MDGA1: variants seen among roughly 807,000 people sequenced by gnomAD.
MDGA1 encodes the protein MAM domain containing glycosylphosphatidylinositol anchor 1.
In MDGA1, 54 loss-of-function variants were observed where a neutral mutation model predicts 101.5. The ratio of observed to expected loss-of-function variants is 0.53; its 90% CI spans 0.43 to 0.67. MDGA1 has a LOEUF of 0.67. Among genes scored for constraint, MDGA1 ranks in the 30% least tolerant of loss-of-function variants. The pLI is 0.00. For missense variants in MDGA1, 1,083 were observed against 1,323.8 expected, an observed-to-expected ratio of 0.82 and a Z score of 2.82; for synonymous variants, 533 against 558.3, an observed-to-expected ratio of 0.95 and a Z score of 0.64.
rs151068061 is a variant in MDGA1, at chr6:37,656,620, G to A, written c.383-724C>T. The stretch of plus-strand genomic sequence containing the variant: ...GCTCCTGGGCTCAAGCAATCCTCCC[G>A]CCTCAGCCTCCTGAAATGCTGGGAT... On this transcript the variant is annotated intron_variant, in intron 3 of 16. Coordinates refer to ENST00000434837, the MANE Select transcript of MDGA1 (RefSeq NM_153487.4). Among the ~76,000 whole-genome samples, 750 of 152,066 alleles carry A rather than the reference G, an allele frequency of 4.9e-3. 18 individuals carry two copies. The East Asian group carries it at 0.057, about 12-fold the overall frequency.
chr6:37,695,202 C>T (rs1358273360), intron 1 of MDGA1, among the ~76,000 whole-genome samples: 1 of 152,102 alleles, frequency 6.6e-6, no homozygotes, highest in South Asian at 2.1e-4. Context: ...TCCCCAGCCC[C>T]GGGGCTGTGG....
chr6:37,660,033 TC>T (rs1561850428), intron 2 of MDGA1, among the ~76,000 whole-genome samples: 57 of 68,576 alleles, frequency 8.3e-4, no homozygotes, highest in Non-Finnish European at 1.7e-3. Flanking sequence ...TCTTTATCTC[TC>T]TCTTTTTTTT....
In MDGA1 at chr6:37,661,801, C is replaced by T. The variant is rs560399752; in HGVS notation, c.207+2166G>A. On this transcript the variant is annotated intron_variant, in intron 2 of 16. Coordinates refer to ENST00000434837, the MANE Select transcript of MDGA1 (RefSeq NM_153487.4). ...AGGGGAGCCATTGAACATCTCTGAG[C>T]AGGGGAGTGATATGATGTAGCACAA... 3.9e-5 allele frequency among the ~76,000 whole-genome samples: 6 copies of T among 152,118 alleles called. No individual in the cohort carries two copies. The South Asian group carries it at 1.2e-3, about 32-fold the overall frequency.
chr6:37,658,001 A>G (rs13212859), intron 3 of MDGA1, among the ~76,000 whole-genome samples: 90,391 of 152,134 alleles, frequency 0.59, 28,224 homozygotes, highest in East Asian at 0.85. Context: ...AGGAGTGTAA[A>G]TCAACCCATC....
chr6:37,647,404 C>A, intron 9 of MDGA1, 80 bp from the exon 10 acceptor site: 7 of 847,528 alleles, frequency 8.3e-6, no homozygotes, highest in South Asian at 1.9e-5. Flanking sequence ...GAAAGGGAAA[C>A]AAGAGGATGA....
intron 9 of MDGA1, among the ~76,000 whole-genome samples, chr6:37,647,564 T>C (rs1581850980): frequency 6.9e-6 from 1 of 144,360 alleles, no homozygotes; most frequent in Non-Finnish European, 1.5e-5. Flanking sequence ...TTCCAAGAGG[T>C]GATATTGGTG....
intron 14 of MDGA1, among the ~76,000 whole-genome samples, chr6:37,642,740 C>A (rs867643483): frequency 2.0e-5 from 3 of 152,224 alleles, no homozygotes; most frequent in Non-Finnish European, 2.9e-5. Context: ...CCAGTCTCAG[C>A]CCCTGTCCTT....
At chr6:37,643,438 A>C in intron 14 of MDGA1, 1 of 179,106 alleles carries the variant, frequency 5.6e-6, no homozygotes, top group East Asian at 1.7e-4. Flanking sequence ...ACACCCAGCT[A>C]ATTTTGTATT....
chr6:37,696,901 T>G lies in MDGA1; in HGVS notation c.-90A>C, dbSNP rs868341527. 9.9e-7 allele frequency: 1 copy of G among 1,012,256 alleles called. No individual in the cohort carries two copies. The highest frequency in any genetic ancestry group is 1.5e-6 in the Non-Finnish European group (1 of 659,642). 62.7% of individuals were successfully genotyped at this position (1,012,256 alleles called of 1,614,324 possible). On this transcript the variant is annotated 5_prime_UTR_variant, in exon 1 of 17. Coordinates refer to ENST00000434837, the MANE Select transcript of MDGA1 (RefSeq NM_153487.4). The surrounding 1 kb of genome is among the most constrained non-coding windows in gnomAD (Gnocchi z 5.6). The stretch of plus-strand genomic sequence containing the variant: ...GCCGGGGCCCCGCGACGCCCCTATG[T>G]CCCCCCCTTTCCCTGAGAGGTGAGA...
rs1264408913 is a variant in MDGA1, at chr6:37,630,929, G to C, written c.*6439C>G. 12 of 152,204 alleles carry C rather than the reference G, an allele frequency of 7.9e-5. No individual in the cohort carries two copies. The highest frequency in any genetic ancestry group is 7.8e-4 in the Admixed American group (12 of 15,292). 9.4% of individuals were successfully genotyped at this position (152,204 alleles called of 1,614,324 possible). A position where few individuals can be genotyped will look rare whatever the true frequency, so the allele number is the denominator to read the frequency against. ...TAGGTGGCAGTTCAGGGCTTCCAGAGAGAACGTTCCAAGAGGCCTGAGCTG... is the reference window on the plus strand; with the variant it reads ...TAGGTGGCAGTTCAGGGCTTCCAGACAGAACGTTCCAAGAGGCCTGAGCTG... On this transcript the variant is annotated 3_prime_UTR_variant, in exon 17 of 17. Transcript: ENST00000434837.
intron 1 of MDGA1, among the ~76,000 whole-genome samples, chr6:37,674,667 C>T (rs926359211): frequency 3.3e-5 from 5 of 152,274 alleles, no homozygotes; most frequent in African/African-American, 1.2e-4. Context: ...TCTGGACAGG[C>T]CACCAGGAAA....
In MDGA1 at chr6:37,696,668, G is replaced by A; in HGVS notation, c.67+77C>T. On this transcript the variant is annotated intron_variant, in intron 1 of 16. Coordinates refer to ENST00000434837, the MANE Select transcript of MDGA1 (RefSeq NM_153487.4). This position sits in a 1 kb window ranked among gnomAD's most constrained non-coding sequence, Gnocchi z 5.6. ...CGAGTCGAGGTCTCCACCAAACCCC[G>A]GCAGCGCGCACTTTGCGCCTCTTGC... is the stretch of plus-strand genomic sequence containing the variant. 5 of 1,405,486 alleles carry A rather than the reference G, an allele frequency of 3.6e-6. No homozygotes were observed. The highest frequency in any genetic ancestry group is 4.9e-6 in the Non-Finnish European group (5 of 1,014,464). The allele number at this position is 1,405,486 out of a possible 1,614,324, so 87.1% of individuals were successfully genotyped here. A position where few individuals can be genotyped will look rare whatever the true frequency, so the allele number is the denominator to read the frequency against.
At chr6:37,644,770 G>A (rs1304645080) in intron 12 of MDGA1, 121 bp from the exon 13 acceptor site, 48 of 1,112,666 alleles carry the variant, frequency 4.3e-5, no homozygotes, top group South Asian at 1.5e-4. Context: ...CCAGGATTCC[G>A]GGCTTCAAAA....
intron 1 of MDGA1, among the ~76,000 whole-genome samples, chr6:37,666,064 T>C (rs1461309269): frequency 2.0e-5 from 3 of 152,042 alleles, no homozygotes; most frequent in Non-Finnish European, 2.9e-5. Context: ...AATAAAGCTC[T>C]CGGCTGGGCA....
intron 6 of MDGA1, among the ~76,000 whole-genome samples, chr6:37,653,278 A>G (rs768332384): frequency 1.8e-4 from 28 of 152,244 alleles, no homozygotes; most frequent in Non-Finnish European, 2.8e-4. Context: ...TTCTGATGGG[A>G]AAAGTACCAT....
In MDGA1 at chr6:37,674,232, G is replaced by A. The variant is rs554997594; in HGVS notation, c.68-10126C>T. Among the ~76,000 whole-genome samples the A allele has an allele frequency of 2.9e-3, 435 of 152,332 alleles. 2 individuals are homozygous for A. Among genetic ancestry groups the A allele is most frequent in the African/African-American group, 6.9e-3 (287 of 41,572 alleles). ...CTGCAAAAATCTCTCCCTAACCAGAGTGCATGTGTCTCTGACCTCCGGGTA... is the reference window on the plus strand; with the variant it reads ...CTGCAAAAATCTCTCCCTAACCAGAATGCATGTGTCTCTGACCTCCGGGTA... On this transcript the variant is annotated intron_variant, in intron 1 of 16. Coordinates refer to ENST00000434837, the MANE Select transcript of MDGA1 (RefSeq NM_153487.4).
chr6:37,644,451 C>A lies in MDGA1; in HGVS notation c.2401+46G>T, dbSNP rs199872429. On this transcript the variant is annotated intron_variant, in intron 13 of 16. Coordinates refer to ENST00000434837, the MANE Select transcript of MDGA1 (RefSeq NM_153487.4). ...TCTGGGGTGCCCTGGGCCTAGACAC[C>A]CCCCTGAAGCAATCCTCCATTTCTG... is the stretch of plus-strand genomic sequence containing the variant. 4.1e-6 allele frequency: 6 copies of A among 1,478,514 alleles called. No individual in the cohort carries two copies. The South Asian group carries it at 4.4e-5, about 11-fold the overall frequency. 91.6% of individuals were successfully genotyped at this position (1,478,514 alleles called of 1,614,324 possible). A position where few individuals can be genotyped will look rare whatever the true frequency, so the allele number is the denominator to read the frequency against.
chr6:37,694,698 T>G (rs969274155), intron 1 of MDGA1, among the ~76,000 whole-genome samples: 3 of 152,138 alleles, frequency 2.0e-5, no homozygotes, highest in African/African-American at 7.2e-5. Context: ...TCTTCTGCCT[T>G]CATCCACCTC....
intron 2 of MDGA1, among the ~76,000 whole-genome samples, chr6:37,659,217 A>G (rs1437812398): frequency 6.6e-6 from 1 of 152,330 alleles, no homozygotes; most frequent in Non-Finnish European, 1.5e-5. Context: ...CAGCCAGCTA[A>G]GCTGCTCCCG....
Sources: gnomAD v4.1 joint callset for allele counts (sites outside exome capture counted in the v4.1 genomes callset) on GRCh38, gnomAD v4.1.1 for gene constraint, Gnocchi (gnomAD v3.1) non-coding constraint, MANE v1.5 for transcripts, NCBI Gene and HGNC (gene_info 2026-07-23, HGNC 2026-07-21) for gene names.